Variants in EXOG observed in about 807,000 individuals in gnomAD.
EXOG encodes exo/endonuclease G, also known as nuclease EXOG, mitochondrial.
EXOG carries 27 observed loss-of-function variants against 25.8 expected under a neutral mutation model. That is an observed-to-expected ratio of 1.05 (90% confidence interval 0.77 to 1.45). EXOG has a LOEUF of 1.45. Among genes scored for constraint, EXOG ranks in the 40% most tolerant of loss-of-function variants. EXOG has a pLI of 0.00. For missense variants in EXOG, 458 were observed against 450.5 expected (o/e 1.02, Z -0.15); for synonymous variants, 133 against 167.0 (o/e 0.80, Z 1.57).
In EXOG at chr3:38,525,273, C is replaced by G; in HGVS notation, c.*911C>G. On this transcript the variant is annotated 3_prime_UTR_variant, in exon 6 of 6. Coordinates refer to ENST00000287675, the MANE Select transcript of EXOG (RefSeq NM_005107.4). The stretch of plus-strand genomic sequence containing the variant: ...AAGTAGTCATCCACAAAGTATGAGG[C>G]AGACAGATCTAAGAGAAGAAAGACA... 1.0e-6 allele frequency: 1 copy of G among 985,206 alleles called. No homozygotes were observed. The highest frequency in any genetic ancestry group is 1.2e-6 in the Non-Finnish European group (1 of 829,738). 61.0% of individuals were successfully genotyped at this position (985,206 alleles called of 1,614,324 possible). A position where few individuals can be genotyped will look rare whatever the true frequency, so the allele number is the denominator to read the frequency against.
intron 2 of EXOG, chr3:38,499,042 G>A (rs1029180906): frequency 4.4e-6 from 2 of 454,684 alleles, no homozygotes; most frequent in African/African-American, 4.0e-5. Context: ...TGTGTTTATT[G>A]ATTATCAATG....
chr3:38,502,628 G>A (rs2060081610), intron 3 of EXOG, among the ~76,000 whole-genome samples: 1 of 152,022 alleles, frequency 6.6e-6, no homozygotes, highest in Non-Finnish European at 1.5e-5. Flanking sequence ...ACCAAGAAGT[G>A]TATACTAATA....
intron 5 of EXOG, among the ~76,000 whole-genome samples, chr3:38,519,896 C>T (rs1032058389): frequency 3.3e-5 from 5 of 152,204 alleles, no homozygotes; most frequent in Admixed American, 6.5e-5. Flanking sequence ...TGTTCCTTCC[C>T]CCCCTCAGGT....
chr3:38,507,869 C>T (rs897293998), intron 5 of EXOG, among the ~76,000 whole-genome samples: 2 of 152,316 alleles, frequency 1.3e-5, no homozygotes, highest in East Asian at 1.9e-4. Context: ...CTCAGTGGCT[C>T]ATGCCTGTAA....
chr3:38,504,975 A>G (rs1290817735), intron 4 of EXOG, among the ~76,000 whole-genome samples: 1 of 152,080 alleles, frequency 6.6e-6, no homozygotes, highest in Non-Finnish European at 1.5e-5. Flanking sequence ...ACATACCCTC[A>G]CTTTGCCCCA....
rs2060838748 is a variant in EXOG at position 38,525,060 on chromosome 3, A to C, written c.*698A>C. 1.0e-6 allele frequency: 1 copy of C among 985,020 alleles called. No individual in the cohort carries two copies. The highest frequency in any genetic ancestry group is 1.2e-6 in the Non-Finnish European group (1 of 829,714). The allele number at this position is 985,020 out of a possible 1,614,324, so 61.0% of individuals were successfully genotyped here. A position where few individuals can be genotyped will look rare whatever the true frequency, so the allele number is the denominator to read the frequency against. On this transcript the variant is annotated 3_prime_UTR_variant, in exon 6 of 6. Transcript: ENST00000287675. ...CTCTCATGAATCTGCTCGTTTCTCT[A>C]CTTCTGTCTACGTAGAAGCACTCAG... is the stretch of plus-strand genomic sequence containing the variant.
chr3:38,508,711 A>ACCCC (rs10657688), intron 5 of EXOG, among the ~76,000 whole-genome samples: 38 of 132,312 alleles, frequency 2.9e-4, no homozygotes, highest in East Asian at 7.2e-4. Flanking sequence ...TTGAGGAACC[A>ACCCC]CCCCCCCCCC....
At chr3:38,512,082 T>C (rs1441877104) in intron 5 of EXOG, among the ~76,000 whole-genome samples, 2 of 152,232 alleles carry the variant, frequency 1.3e-5, no homozygotes, top group East Asian at 3.8e-4. Context: ...TTTTGTAGTC[T>C]TCTAAGTCGA....
intron 5 of EXOG, among the ~76,000 whole-genome samples, chr3:38,520,879 T>C (rs1428271672): frequency 6.6e-6 from 1 of 152,232 alleles, no homozygotes; most frequent in Non-Finnish European, 1.5e-5. Context: ...AAAGCCAGGT[T>C]TGACCAGGTC....
intron 5 of EXOG, among the ~76,000 whole-genome samples, chr3:38,510,747 A>G (rs944503615): frequency 4.0e-5 from 6 of 151,482 alleles, no homozygotes; most frequent in African/African-American, 1.2e-4. Flanking sequence ...TTATCAGTGA[A>G]ATGATACTCA....
intron 5 of EXOG, among the ~76,000 whole-genome samples, chr3:38,509,971 G>A (rs1476738388): frequency 6.6e-6 from 1 of 152,070 alleles, no homozygotes; most frequent in African/African-American, 2.4e-5. Context: ...TGTTTTATGA[G>A]GAATAGGGTA....
At chr3:38,502,071 C>T (rs898244234) in intron 3 of EXOG, among the ~76,000 whole-genome samples, 6 of 152,004 alleles carry the variant, frequency 3.9e-5, no homozygotes, top group East Asian at 1.9e-4. Flanking sequence ...TACAGGTTCC[C>T]GCCACCACAC....
chr3:38,507,018 C>A, intron 5 of EXOG, 50 bp downstream of exon 5: 2 of 799,102 alleles, frequency 2.5e-6, no homozygotes, highest in Non-Finnish European at 4.1e-6. Context: ...AGATTATAAT[C>A]TCACTTTCCA....
Position 38,525,948 on chromosome 3 carries a change from AAAG to A in EXOG, c.*1589_*1591del, listed in dbSNP as rs1401549625. On this transcript the variant is annotated 3_prime_UTR_variant, in exon 6 of 6. Coordinates refer to ENST00000287675, the MANE Select transcript of EXOG (RefSeq NM_005107.4). ...CACAGAGGGAGACCCTGTCTCAAAA[AAAG>A]AAAAGAAAAAAGAAAAAGGTCTGCC... 1.0e-5 allele frequency: 10 copies of A among 984,208 alleles called. No individual in the cohort carries two copies. The highest frequency in any genetic ancestry group is 1.2e-5 in the Non-Finnish European group (10 of 828,946). 61.0% of individuals were successfully genotyped at this position (984,208 alleles called of 1,614,324 possible).
At chr3:38,517,688 C>T (rs982154780) in intron 5 of EXOG, among the ~76,000 whole-genome samples, 2 of 152,192 alleles carry the variant, frequency 1.3e-5, no homozygotes, top group Non-Finnish European at 2.9e-5. Flanking sequence ...CCTCTGCTTT[C>T]TGTGTTCTTG....
chr3:38,511,312 G>A (rs921787929), intron 5 of EXOG, among the ~76,000 whole-genome samples: 8 of 151,964 alleles, frequency 5.3e-5, no homozygotes, highest in Non-Finnish European at 7.4e-5. Context: ...CTCCAATTGC[G>A]TTGGCTACCA....
intron 3 of EXOG, 66 bp downstream of exon 3, chr3:38,501,560 G>A: frequency 6.8e-7 from 1 of 1,464,220 alleles, no homozygotes; most frequent in Non-Finnish European, 9.4e-7. Context: ...AGGAATTAGA[G>A]GTTTAAAAAC....
chr3:38,499,320 G>A (rs947245208), intron 2 of EXOG, among the ~76,000 whole-genome samples: 1 of 152,192 alleles, frequency 6.6e-6, no homozygotes, highest in African/African-American at 2.4e-5. Flanking sequence ...AGAGTGCACA[G>A]CAACCAGCAG....
At position 38,524,064 on chromosome 3, in the gene EXOG, A is replaced by C; in HGVS notation, c.809A>C (p.Gln270Pro). 1.2e-6 allele frequency: 2 copies of C among 1,614,198 alleles called. No individual in the cohort carries two copies. The highest frequency in any genetic ancestry group is 1.7e-6 in the Non-Finnish European group (2 of 1,180,016). The change falls in exon 6 of 6, where the codon CAG (glutamine) becomes CCG (proline). Residue 270 changes from glutamine (Q) to proline (P), a missense_variant. Physicochemically the swap from Gln to Pro is moderately conservative, Grantham distance 76. Transcript: ENST00000287675. The part of the protein sequence containing the change: ...PQLTEFQVSL[Q>P]DLEKLSGLVF... ...TTAACTGAATTCCAAGTGAGCCTCC[A>C]GGACCTAGAGAAGTTGTCAGGACTG... is the stretch of plus-strand genomic sequence containing the variant.
Sources: gnomAD v4.1 joint callset for allele counts (sites outside exome capture counted in the v4.1 genomes callset) on GRCh38, gnomAD v4.1.1 for gene constraint, MANE v1.5 for transcripts, NCBI Gene and HGNC (gene_info 2026-07-23, HGNC 2026-07-21) for gene names.